REDIC1: variants seen among roughly 807,000 people sequenced by gnomAD.
The protein encoded by REDIC1 is HEI10 Interacting Protein 1.
the REDIC1 span, among the ~76,000 whole-genome samples, chr12:39,657,948 G>A: frequency 6.6e-6 from 1 of 151,692 alleles, no homozygotes; most frequent in Non-Finnish European, 1.5e-5. Flanking sequence ...TTTTTTAAGA[G>A]GTAAGGTCAT....
chr12:39,683,048 A>C, the REDIC1 span: 75 of 1,613,386 alleles, frequency 4.6e-5, no homozygotes, highest in Non-Finnish European at 6.0e-5. Flanking sequence ...CAGCCAAACA[A>C]GAAGTATCAG....
the REDIC1 span, chr12:39,647,697 C>A: frequency 2.2e-6 from 2 of 908,080 alleles, no homozygotes; most frequent in Non-Finnish European, 3.1e-6. Context: ...GTAACCCCTG[C>A]CCTTTTCACT....
the REDIC1 span, among the ~76,000 whole-genome samples, chr12:39,867,173 C>T: frequency 6.6e-6 from 1 of 152,154 alleles, no homozygotes; most frequent in African/African-American, 2.4e-5. Flanking sequence ...ATCTGAGTCC[C>T]TATTTTCCCA....
At chr12:39,680,341 GA>G in the REDIC1 span, among the ~76,000 whole-genome samples, 10 of 152,132 alleles carry the variant, frequency 6.6e-5, no homozygotes, top group African/African-American at 2.4e-4. Flanking sequence ...ATTTGCAAAA[GA>G]AGATAATACA....
chr12:39,710,461 TCTAA>T, the REDIC1 span, among the ~76,000 whole-genome samples: 7,116 of 151,872 alleles, frequency 0.047, 570 homozygotes, highest in African/African-American at 0.16. Context: ...CAGTTAATCG[TCTAA>T]CTGACTTGAT....
the REDIC1 span, among the ~76,000 whole-genome samples, chr12:39,717,001 A>T: frequency 7.9e-5 from 12 of 152,030 alleles, no homozygotes; most frequent in African/African-American, 2.7e-4. Context: ...ACATTTAAAA[A>T]TGTAGAAAAG....
the REDIC1 span, among the ~76,000 whole-genome samples, chr12:39,889,926 T>C: frequency 4.6e-5 from 7 of 152,178 alleles, no homozygotes; most frequent in Non-Finnish European, 1.0e-4. Context: ...ATAAATATAA[T>C]TCTTTGTATC....
the REDIC1 span, among the ~76,000 whole-genome samples, chr12:39,895,875 T>C: frequency 4.0e-3 from 403 of 100,476 alleles, 145 homozygotes; most frequent in African/African-American, 0.014. Context: ...TGCACACACA[T>C]ATGTATATGC....
the REDIC1 span, among the ~76,000 whole-genome samples, chr12:39,816,608 GGTAA>G: frequency 6.6e-6 from 1 of 151,392 alleles, no homozygotes; most frequent in African/African-American, 2.4e-5. Context: ...AAAAATCAAG[GGTAA>G]GTAATACAAG....
the REDIC1 span, among the ~76,000 whole-genome samples, chr12:39,873,472 T>G: frequency 6.6e-6 from 1 of 152,132 alleles, no homozygotes; most frequent in African/African-American, 2.4e-5. Flanking sequence ...GAAATTAACA[T>G]AAATACCAAA....
the REDIC1 span, among the ~76,000 whole-genome samples, chr12:39,711,342 C>T: frequency 3.4e-5 from 5 of 146,008 alleles, no homozygotes; most frequent in Non-Finnish European, 7.5e-5. Flanking sequence ...CACATATATA[C>T]ATCTATATGT....
At chr12:39,689,442 C>A in the REDIC1 span, among the ~76,000 whole-genome samples, 1 of 152,172 alleles carries the variant, frequency 6.6e-6, no homozygotes, top group South Asian at 2.1e-4. Context: ...AAGTGAGGAT[C>A]TTCTGAAAAA....
the REDIC1 span, among the ~76,000 whole-genome samples, chr12:39,691,338 C>G: frequency 0.018 from 2,682 of 152,134 alleles, 73 homozygotes; most frequent in African/African-American, 0.06. Flanking sequence ...ATTCTATATC[C>G]TACCAACAGA....
the REDIC1 span, among the ~76,000 whole-genome samples, chr12:39,703,526 T>G: frequency 6.6e-6 from 1 of 151,468 alleles, no homozygotes. Flanking sequence ...AATTTACAGA[T>G]TCAATGCCAT....
At chr12:39,683,380 A>C in the REDIC1 span, 1 of 1,468,908 alleles carries the variant, frequency 6.8e-7, no homozygotes, top group Non-Finnish European at 9.5e-7. Flanking sequence ...GACTATGCTA[A>C]ATTTTTAACT....
At chr12:39,647,793 C>T in the REDIC1 span, 3 of 1,517,568 alleles carry the variant, frequency 2.0e-6, no homozygotes, top group East Asian at 7.5e-5. Flanking sequence ...TTCCTATAGT[C>T]ACAAGGCATG....
the REDIC1 span, among the ~76,000 whole-genome samples, chr12:39,651,586 C>T: frequency 5.3e-5 from 8 of 152,090 alleles, no homozygotes; most frequent in Admixed American, 5.2e-4. Flanking sequence ...GTTGTCAATT[C>T]TGTATTTTAA....
chr12:39,702,077 A>C, the REDIC1 span, among the ~76,000 whole-genome samples: 1 of 152,160 alleles, frequency 6.6e-6, no homozygotes, highest in Admixed American at 6.5e-5. Flanking sequence ...GAAGGCAAGA[A>C]ATAACTAAAA....
chr12:39,712,856 TG>T, the REDIC1 span, among the ~76,000 whole-genome samples: 3 of 141,014 alleles, frequency 2.1e-5, no homozygotes, highest in Non-Finnish European at 3.1e-5. Context: ...TATACACATA[TG>T]TATATACACG....
Sources: allele counts gnomAD v4.1 joint callset (sites outside exome capture counted in the v4.1 genomes callset), GRCh38; gene constraint gnomAD v4.1.1; transcripts MANE v1.5; gene names NCBI Gene and HGNC (gene_info 2026-07-23, HGNC 2026-07-21).